The following SCARA3 variants were observed in gnomAD, a reference collection of about 807,000 sequenced individuals.
SCARA3 encodes scavenger receptor class A member 3.
Under a neutral mutation model 47.0 loss-of-function variants are expected in SCARA3, and 39 were observed. That is an observed-to-expected ratio of 0.83 (90% confidence interval 0.64 to 1.08). The LOEUF is 1.08. Ranked by LOEUF, SCARA3 falls within the 50% of genes least tolerant of loss-of-function variation. The pLI, the probability that SCARA3 is intolerant of heterozygous loss-of-function variation, is 0.00. For synonymous variants in SCARA3, 356 were observed against 334.1 expected (o/e 1.07, Z -0.71); for missense variants, 724 against 792.3 (o/e 0.91, Z 1.04).
chr8:27,672,311 C>T lies in SCARA3; in HGVS notation c.*960C>T. ...GGAATCCAAGCAGGAGTTTCATCTGCATGGGGGCACTCTGCAGGCCCTGGA... is the reference window on the plus strand; with the variant it reads ...GGAATCCAAGCAGGAGTTTCATCTGTATGGGGGCACTCTGCAGGCCCTGGA... On this transcript the variant is annotated 3_prime_UTR_variant, in exon 6 of 6. Transcript: ENST00000301904. 16 of 985,498 alleles carry T rather than the reference C, an allele frequency of 1.6e-5. No individual in the cohort carries two copies. The highest frequency in any genetic ancestry group is 1.8e-5 in the Non-Finnish European group (15 of 829,968). 61.0% of individuals were successfully genotyped at this position (985,498 alleles called of 1,614,324 possible). A position where few individuals can be genotyped will look rare whatever the true frequency, so the allele number is the denominator to read the frequency against.
downstream of SCARA3, among the ~76,000 whole-genome samples, chr8:27,674,949 G>A (rs369311338): frequency 5.3e-5 from 8 of 151,878 alleles, no homozygotes; most frequent in African/African-American, 7.3e-5. Context: ...GGATGGTCTC[G>A]ATCTCTTGAC....
chr8:27,634,085 C>T lies in SCARA3; in HGVS notation c.-116C>T, dbSNP rs1801193616. 2.1e-5 allele frequency: 21 copies of T among 980,488 alleles called. No homozygotes were observed. In the South Asian group the frequency reaches 2.9e-4, roughly 13 times the overall value. The allele number at this position is 980,488 out of a possible 1,614,324, so 60.7% of individuals were successfully genotyped here. A position where few individuals can be genotyped will look rare whatever the true frequency, so the allele number is the denominator to read the frequency against. On this transcript the variant is annotated 5_prime_UTR_variant, in exon 1 of 6. Transcript: ENST00000301904. Reference sequence around the variant, plus strand: ...TGAGTCCCGGCCGGAGCCCCACGGCCGCGGGCGGCGCCTAGGACGGCGATC... The same window carrying T: ...TGAGTCCCGGCCGGAGCCCCACGGCTGCGGGCGGCGCCTAGGACGGCGATC...
intron 1 of SCARA3, among the ~76,000 whole-genome samples, chr8:27,635,704 C>T (rs1291921789): frequency 6.6e-6 from 1 of 152,012 alleles, no homozygotes; most frequent in African/African-American, 2.4e-5. Flanking sequence ...GATCCTCCCA[C>T]CTCAGCCTCC....
chr8:27,633,692 C>A (rs1162178049), upstream of SCARA3, among the ~76,000 whole-genome samples: 7 of 151,886 alleles, frequency 4.6e-5, no homozygotes. Context: ...GGCGCACGGG[C>A]GAGGTAGGCG....
chr8:27,678,885 T>C (rs955463896), downstream of SCARA3, among the ~76,000 whole-genome samples: 2 of 152,192 alleles, frequency 1.3e-5, no homozygotes, highest in African/African-American at 4.8e-5. Context: ...GTAGTTGTTT[T>C]AATACTCAAA....
At chr8:27,716,631 T>C in the SCARA3 span, among the ~76,000 whole-genome samples, 3 of 152,214 alleles carry the variant, frequency 2.0e-5, no homozygotes, top group African/African-American at 7.2e-5. Flanking sequence ...CTAATAAATG[T>C]AGACAGAATG....
At chr8:27,698,907 C>CTA in the SCARA3 span, among the ~76,000 whole-genome samples, 12 of 151,618 alleles carry the variant, frequency 7.9e-5, no homozygotes, top group African/African-American at 1.5e-4. Context: ...ATCTGTCTAT[C>CTA]TATATATATA....
the SCARA3 span, among the ~76,000 whole-genome samples, chr8:27,684,617 T>C: frequency 3.3e-5 from 5 of 150,168 alleles, no homozygotes; most frequent in African/African-American, 1.2e-4. Flanking sequence ...CAGTGAGCTA[T>C]GATTGTGCCA....
intron 1 of SCARA3, among the ~76,000 whole-genome samples, chr8:27,644,277 G>A (rs1267158210): frequency 1.3e-5 from 2 of 152,136 alleles, no homozygotes; most frequent in African/African-American, 2.4e-5. Context: ...CCTTGCCTGC[G>A]ATTTGGGTAG....
In SCARA3 at chr8:27,662,500, A is replaced by T. The variant is rs35128292; in HGVS notation, c.1369+2961A>T. On this transcript the variant is annotated intron_variant, in intron 5 of 5. Transcript: ENST00000301904. The stretch of plus-strand genomic sequence containing the variant: ...TCAGGAGCAATGCTGTGTGAATAGC[A>T]TGACTGTGGATAAGGCATTCTGTGA... Among the ~76,000 whole-genome samples the T allele has an allele frequency of 3.0e-3, 452 of 152,350 alleles. 2 individuals carry two copies. Among genetic ancestry groups the T allele is most frequent in the African/African-American group, 9.7e-3 (405 of 41,578 alleles).
At chr8:27,673,731 A>C (rs1364157269), downstream of SCARA3, among the ~76,000 whole-genome samples, 1 of 152,096 alleles carries the variant, frequency 6.6e-6, no homozygotes, top group Non-Finnish European at 1.5e-5. Flanking sequence ...CACCATAAAC[A>C]TCAGCCATTG....
At chr8:27,642,859 A>G (rs1381584023) in intron 1 of SCARA3, among the ~76,000 whole-genome samples, 1 of 152,158 alleles carries the variant, frequency 6.6e-6, no homozygotes, top group African/African-American at 2.4e-5. Context: ...AAAGAAAGCC[A>G]GTGATTCCCA....
At chr8:27,691,206 A>G in the SCARA3 span, among the ~76,000 whole-genome samples, 2 of 152,018 alleles carry the variant, frequency 1.3e-5, no homozygotes, top group African/African-American at 4.8e-5. Flanking sequence ...TTTCCAAAGC[A>G]AGGAGTATTT....
chr8:27,715,246 C>T, the SCARA3 span, among the ~76,000 whole-genome samples: 2 of 152,124 alleles, frequency 1.3e-5, no homozygotes, highest in Non-Finnish European at 2.9e-5. This position sits in a 1 kb window ranked among gnomAD's most constrained non-coding sequence, Gnocchi z 4.2. Flanking sequence ...ATTGAAGGCT[C>T]TAAGTCCAAA....
downstream of SCARA3, among the ~76,000 whole-genome samples, chr8:27,677,850 G>A (rs938611915): frequency 1.3e-5 from 2 of 152,130 alleles, no homozygotes; most frequent in Non-Finnish European, 2.9e-5. Context: ...CAGGAAATAT[G>A]TTCTGTGACC....
intron 1 of SCARA3, among the ~76,000 whole-genome samples, chr8:27,636,801 T>C (rs1801262747): frequency 6.6e-6 from 1 of 152,170 alleles, no homozygotes; most frequent in African/African-American, 2.4e-5. Flanking sequence ...TTCCAGCACT[T>C]CCCTCCCTGG....
intron 1 of SCARA3, among the ~76,000 whole-genome samples, chr8:27,646,442 C>T (rs2128916758): frequency 6.6e-6 from 1 of 152,272 alleles, no homozygotes; most frequent in South Asian, 2.1e-4. Flanking sequence ...TAAGTCATCC[C>T]AGATTCCCTG....
chr8:27,662,692 C>A (rs556463335), intron 5 of SCARA3, among the ~76,000 whole-genome samples: 3 of 152,314 alleles, frequency 2.0e-5, no homozygotes, highest in Non-Finnish European at 4.4e-5. Flanking sequence ...GGGATGGTGC[C>A]ATGTCAGAGA....
intron 5 of SCARA3, among the ~76,000 whole-genome samples, chr8:27,665,883 T>C (rs1431236849): frequency 6.6e-6 from 1 of 152,118 alleles, no homozygotes; most frequent in African/African-American, 2.4e-5. Context: ...CCCGGCAGAG[T>C]GCTTGGCTCT....
Sources: gnomAD v4.1 joint callset for allele counts (sites outside exome capture counted in the v4.1 genomes callset) on GRCh38, gnomAD v4.1.1 for gene constraint, Gnocchi (gnomAD v3.1) non-coding constraint, MANE v1.5 for transcripts, NCBI Gene and HGNC (gene_info 2026-07-23, HGNC 2026-07-21) for gene names.